The following RPA2 variants were observed in gnomAD, a reference collection of about 807,000 sequenced individuals.
The protein encoded by RPA2 is replication protein A 32 kDa subunit.
In RPA2, 22 loss-of-function variants were observed where a neutral mutation model predicts 33.4. The ratio of observed to expected loss-of-function variants is 0.66; its 90% CI spans 0.47 to 0.94. The LOEUF (loss-of-function observed/expected upper bound fraction) is 0.94, where lower values mean the gene tolerates loss of function less well. Ranked by LOEUF, RPA2 falls within the 40% of genes least tolerant of loss-of-function variation. The pLI is 0.00. For missense variants in RPA2, 279 were observed against 329.9 expected, an observed-to-expected ratio of 0.85 and a Z score of 1.19; for synonymous variants, 109 against 114.9, an observed-to-expected ratio of 0.95 and a Z score of 0.33.
intron 2 of RPA2, among the ~76,000 whole-genome samples, chr1:27,907,723 T>C (rs2090048873): frequency 6.6e-6 from 1 of 152,170 alleles, no homozygotes; most frequent in Non-Finnish European, 1.5e-5. Flanking sequence ...GACTTTGGAA[T>C]TGCTTGTAGG....
At chr1:27,900,292 A>T (rs887637523) in intron 4 of RPA2, among the ~76,000 whole-genome samples, 1 of 151,914 alleles carries the variant, frequency 6.6e-6, no homozygotes, top group African/African-American at 2.4e-5. Context: ...TTGCATTTTT[A>T]GTAGAGACGG....
intron 4 of RPA2, among the ~76,000 whole-genome samples, chr1:27,905,919 G>T (rs913407232): frequency 2.6e-5 from 4 of 151,926 alleles, no homozygotes; most frequent in Non-Finnish European, 4.4e-5. Context: ...GAGCCACCAT[G>T]CCAAGCCAAA....
At chr1:27,897,751 G>T (rs1292472026) in intron 4 of RPA2, 44 bp from the exon 5 acceptor site, 3 of 1,372,752 alleles carry the variant, frequency 2.2e-6, no homozygotes, top group Non-Finnish European at 1.0e-6. Context: ...TAGTGATGCT[G>T]GTAAAAGCCT....
chr1:27,902,286 CTTT>C (rs11384286), intron 4 of RPA2, among the ~76,000 whole-genome samples: 4 of 138,988 alleles, frequency 2.9e-5, no homozygotes, highest in African/African-American at 5.3e-5. Flanking sequence ...TTTACGTATA[CTTT>C]TTTTTTTTTT....
intron 8 of RPA2, among the ~76,000 whole-genome samples, chr1:27,893,002 T>C (rs1019126450): frequency 1.8e-4 from 28 of 152,066 alleles, no homozygotes; most frequent in African/African-American, 6.5e-4. Context: ...AGGACAAGGG[T>C]GTTGGAAGGA....
At chr1:27,899,872 A>C (rs957348239) in intron 4 of RPA2, among the ~76,000 whole-genome samples, 1 of 151,770 alleles carries the variant, frequency 6.6e-6, no homozygotes, top group Non-Finnish European at 1.5e-5. Flanking sequence ...AGTAGAGACA[A>C]GGTTTCACCC....
chr1:27,899,373 T>C (rs2089934994), intron 4 of RPA2, among the ~76,000 whole-genome samples: 1 of 151,570 alleles, frequency 6.6e-6, no homozygotes, highest in Non-Finnish European at 1.5e-5. Flanking sequence ...GGTGTGGTGG[T>C]GGGTGCCTGT....
At position 27,896,426 on chromosome 1, in the gene RPA2, CA is replaced by C. The variant is rs547886937; in HGVS notation, c.525+578del. 3.7e-4 allele frequency among the ~76,000 whole-genome samples: 56 copies of C among 152,194 alleles called. No individual in the cohort carries two copies. The East Asian group carries it at 4.6e-3, about 13-fold the overall frequency. On this transcript the variant is annotated intron_variant, in intron 6 of 8. Transcript: ENST00000373912. ...AAGTGATGCCCCCACACCAGCCTCC[CA>C]AAGTGCTGAGATTTCAGGCCATGAA... is the stretch of plus-strand genomic sequence containing the variant.
intron 2 of RPA2, among the ~76,000 whole-genome samples, chr1:27,913,141 C>T (rs969151313): frequency 6.6e-6 from 1 of 151,440 alleles, no homozygotes; most frequent in South Asian, 2.1e-4. Context: ...TTAGTAGAGA[C>T]GAGGTTTCAC....
chr1:27,893,674 G>A (rs1335032553), intron 8 of RPA2, among the ~76,000 whole-genome samples: 1 of 151,914 alleles, frequency 6.6e-6, no homozygotes, highest in East Asian at 1.9e-4. Flanking sequence ...GTGGTGTGAT[G>A]GTGGCTCACT....
chr1:27,898,429 G>A (rs541371094), intron 4 of RPA2, among the ~76,000 whole-genome samples: 1 of 152,104 alleles, frequency 6.6e-6, no homozygotes, highest in South Asian at 2.1e-4. Flanking sequence ...TCCCATTTGG[G>A]ACAATACACA....
chr1:27,901,352 A>G (rs1042774126), intron 4 of RPA2, among the ~76,000 whole-genome samples: 2 of 152,046 alleles, frequency 1.3e-5, no homozygotes, highest in Non-Finnish European at 2.9e-5. Flanking sequence ...TTTGTTAGCC[A>G]TAAAGTTTTT....
Position 27,907,061 on chromosome 1 carries a change from G to GAAA in RPA2, c.220-23_220-21dup. ...AGTGACCTAGGTTAGAAGAAACAAA[G>GAAA]AAAAAAAAAAAAGGTCTGGTTCCCC... On this transcript the variant is annotated intron_variant, in intron 3 of 8. Coordinates refer to ENST00000373912, the MANE Select transcript of RPA2 (RefSeq NM_002946.5). 2.5e-6 allele frequency: 3 copies of GAAA among 1,184,998 alleles called. No homozygotes were observed. The highest frequency in any genetic ancestry group is 1.1e-6 in the Non-Finnish European group (1 of 872,282). 73.4% of individuals were successfully genotyped at this position (1,184,998 alleles called of 1,614,324 possible).
Position 27,892,255 on chromosome 1 carries a change from G to T in RPA2, c.729-8C>A. The T allele has an allele frequency of 2.5e-6, 4 of 1,594,036 alleles. No individual in the cohort carries two copies. The highest frequency in any genetic ancestry group is 3.4e-6 in the Non-Finnish European group (4 of 1,169,786). On this transcript the variant is annotated splice_region_variant and splice_polypyrimidine_tract_variant and intron_variant, in intron 8 of 8. Coordinates refer to ENST00000373912, the MANE Select transcript of RPA2 (RefSeq NM_002946.5). ...AGAAAATCCACAGCTTGCCTAGAAA[G>T]AAAGAAGAAAAAAAAAAGGTCATTT...
intron 2 of RPA2, among the ~76,000 whole-genome samples, chr1:27,912,215 T>C (rs573443332): frequency 6.6e-6 from 1 of 152,006 alleles, no homozygotes; most frequent in East Asian, 1.9e-4. Flanking sequence ...GAAGTCAAAT[T>C]AACCTCACAT....
intron 2 of RPA2, among the ~76,000 whole-genome samples, chr1:27,908,391 G>A (rs2090057394): frequency 1.3e-5 from 2 of 151,800 alleles, no homozygotes; most frequent in Admixed American, 1.3e-4. Context: ...TAGCCTCCCA[G>A]TGTTAGGATG....
At position 27,897,608 on chromosome 1, in the gene RPA2, A is replaced by G; in HGVS notation, c.408+25T>C. 1.9e-6 allele frequency: 3 copies of G among 1,556,900 alleles called. No individual in the cohort carries two copies. In the South Asian group the frequency reaches 3.7e-5, roughly 19 times the overall value. On this transcript the variant is annotated intron_variant, in intron 5 of 8. Transcript: ENST00000373912. ...AAACTGCTTCATGCAAAAACACTTT[A>G]ACTGTTATTTTATTCTGACTTTACC...
At position 27,900,256 on chromosome 1, in the gene RPA2, C is replaced by A. The variant is rs567581206; in HGVS notation, c.334-2549G>T. Among the ~76,000 whole-genome samples the A allele has an allele frequency of 5.9e-5, 9 of 152,260 alleles. No homozygotes were observed. The South Asian group carries it at 1.9e-3, about 32-fold the overall frequency. Reference sequence around the variant, plus strand: ...CCTCCTGAGTAGCTGGGATTACAGGCATGCACCACTGTGCCCGGCTAGTTT... The same window carrying A: ...CCTCCTGAGTAGCTGGGATTACAGGAATGCACCACTGTGCCCGGCTAGTTT... On this transcript the variant is annotated intron_variant, in intron 4 of 8. Transcript: ENST00000373912.
At chr1:27,892,730 TA>T (rs2089840531) in intron 8 of RPA2, among the ~76,000 whole-genome samples, 1 of 152,046 alleles carries the variant, frequency 6.6e-6, no homozygotes, top group Admixed American at 6.5e-5. Flanking sequence ...TTAGTGTCAG[TA>T]ACGTATTTAA....
Sources: allele counts gnomAD v4.1 joint callset (sites outside exome capture counted in the v4.1 genomes callset), GRCh38; gene constraint gnomAD v4.1.1; transcripts MANE v1.5; gene names NCBI Gene and HGNC (gene_info 2026-07-23, HGNC 2026-07-21).